The following ZNF423 variants were observed in gnomAD, a reference collection of about 807,000 sequenced individuals.
ZNF423 encodes the protein zinc finger protein 423.
In ZNF423, 12 loss-of-function variants were observed where a neutral mutation model predicts 95.8. The ratio of observed to expected loss-of-function variants is 0.13; its 90% CI spans 0.08 to 0.20. ZNF423 has a LOEUF of 0.20. ZNF423 is among the 10% of genes least tolerant of loss of function. ZNF423 has a pLI of 1.00. For synonymous variants in ZNF423, 749 were observed against 711.9 expected, an observed-to-expected ratio of 1.05 and a Z score of -0.83; for missense variants, 1,316 against 1,737.1, an observed-to-expected ratio of 0.76 and a Z score of 4.31.
chr16:49,578,457 A>G (rs994529947), intron 5 of ZNF423, among the ~76,000 whole-genome samples: 9 of 116,420 alleles, frequency 7.7e-5, no homozygotes, highest in African/African-American at 2.3e-4. Flanking sequence ...GGAAAAACAG[A>G]CACTCATCCC....
intron 2 of ZNF423, among the ~76,000 whole-genome samples, chr16:49,777,808 T>C (rs1444581232): frequency 6.6e-6 from 1 of 152,184 alleles, no homozygotes; most frequent in African/African-American, 2.4e-5. Flanking sequence ...AAGGCTTAAA[T>C]GAGATAATGC....
chr16:49,734,263 T>A (rs2033234550), intron 2 of ZNF423, among the ~76,000 whole-genome samples: 1 of 152,224 alleles, frequency 6.6e-6, no homozygotes, highest in African/African-American at 2.4e-5. Flanking sequence ...TGCTGCTCTG[T>A]CCAGCCCCAG....
At position 49,723,713 on chromosome 16, in the gene ZNF423, C is replaced by T. The variant is rs185487597; in HGVS notation, c.301+7058G>A. 2.0e-5 allele frequency among the ~76,000 whole-genome samples: 3 copies of T among 152,204 alleles called. No individual in the cohort carries two copies. In the East Asian group the frequency reaches 5.8e-4, roughly 29 times the overall value. ...AAAGTTTTCTTTTTATGTTTAGATT[C>T]CTGATCCACTTGGGATTGAGTTTGG... is the stretch of plus-strand genomic sequence containing the variant. On this transcript the variant is annotated intron_variant, in intron 3 of 7. Coordinates refer to ENST00000563137, the MANE Select transcript of ZNF423 (RefSeq NM_001379286.1).
chr16:49,687,655 A>AG (rs1567290800), intron 3 of ZNF423, among the ~76,000 whole-genome samples: 2 of 152,142 alleles, frequency 1.3e-5, no homozygotes. Flanking sequence ...ATGAGGAACC[A>AG]GGGGGGCCTT....
chr16:49,697,962 C>A (rs2032035651), intron 3 of ZNF423, among the ~76,000 whole-genome samples: 1 of 152,206 alleles, frequency 6.6e-6, no homozygotes, highest in Admixed American at 6.5e-5. Context: ...GCATGAACCA[C>A]TGCCCCATTA....
At chr16:49,547,538 G>A (rs1298591936) in intron 5 of ZNF423, among the ~76,000 whole-genome samples, 2 of 152,210 alleles carry the variant, frequency 1.3e-5, no homozygotes, top group African/African-American at 4.8e-5. Flanking sequence ...TCAAGGCCCA[G>A]GAATGGTGGG....
At chr16:49,697,864 C>T (rs2032031329) in intron 3 of ZNF423, among the ~76,000 whole-genome samples, 1 of 152,386 alleles carries the variant, frequency 6.6e-6, no homozygotes, top group African/African-American at 2.4e-5. Flanking sequence ...CCTTAACCAG[C>T]CCATTGTTGG....
chr16:49,749,144 C>G (rs966630087), intron 2 of ZNF423, among the ~76,000 whole-genome samples: 2 of 152,162 alleles, frequency 1.3e-5, no homozygotes, highest in African/African-American at 4.8e-5. Flanking sequence ...CTAGCAGCAC[C>G]AAGTCTCACC....
intron 5 of ZNF423, among the ~76,000 whole-genome samples, chr16:49,593,834 C>T (rs996579107): frequency 6.6e-6 from 1 of 152,066 alleles, no homozygotes; most frequent in African/African-American, 2.4e-5. Flanking sequence ...GAGAGGGGGC[C>T]GCGGAGGCAA....
intron 1 of ZNF423, among the ~76,000 whole-genome samples, chr16:49,811,938 G>T (rs1388546856): frequency 6.6e-6 from 1 of 152,350 alleles, no homozygotes; most frequent in East Asian, 1.9e-4. Flanking sequence ...ATCTGGGATG[G>T]ATGCCACAGG....
At chr16:49,795,867 A>G (rs544058107) in intron 1 of ZNF423, among the ~76,000 whole-genome samples, 1 of 152,314 alleles carries the variant, frequency 6.6e-6, no homozygotes, top group East Asian at 1.9e-4. Context: ...GTTTGCGGCC[A>G]TCTCTGAAGT....
intron 3 of ZNF423, among the ~76,000 whole-genome samples, chr16:49,683,660 G>A (rs1990629): frequency 0.85 from 129,460 of 152,268 alleles, 55,204 homozygotes; most frequent in South Asian, 0.88. Flanking sequence ...CCCCCTGGGT[G>A]ATTCCAATAT....
intron 3 of ZNF423, among the ~76,000 whole-genome samples, chr16:49,697,040 G>A (rs914793973): frequency 4.6e-5 from 7 of 152,344 alleles, no homozygotes; most frequent in Admixed American, 2.0e-4. Flanking sequence ...GCAGTCCATC[G>A]TGGGGGAGGA....
chr16:49,635,685 C>T lies in ZNF423; in HGVS notation c.3491G>A (p.Gly1164Asp), dbSNP rs534145846. 1 of 1,586,998 alleles carries T rather than the reference C, an allele frequency of 6.3e-7. No homozygotes were observed. The highest frequency in any genetic ancestry group is 8.6e-7 in the Non-Finnish European group (1 of 1,168,746). ...LTPETSGPRK[G>D]TQTSPVPRKK... Reference sequence around the variant, plus strand: ...CCGGGGCACTGGCGATGTCTGGGTGCCTTTCCGGGGCCCACTGGTCTCCGG... The same window carrying T: ...CCGGGGCACTGGCGATGTCTGGGTGTCTTTCCGGGGCCCACTGGTCTCCGG... The change falls in exon 4 of 8, where the codon GGC (glycine) becomes GAC (aspartate). Residue 1164 changes from glycine (G) to aspartate (D), a missense_variant. Gly to Asp is a moderately conservative substitution (Grantham distance 94, BLOSUM62 -1). Around this residue, in one of 6 missense-constraint regions of ZNF423, gnomAD observed 620 missense variants for 775.6 expected, o/e 0.80. Transcript: ENST00000563137. The surrounding 1 kb of genome is among the most constrained non-coding windows in gnomAD (Gnocchi z 4.8).
rs943656588 is a variant in ZNF423, at chr16:49,538,332, T to C, written c.3602-12838A>G. 1.8e-4 allele frequency among the ~76,000 whole-genome samples: 28 copies of C among 152,174 alleles called. 1 individual carries two copies. The highest frequency in any genetic ancestry group is 1.3e-4 in the Non-Finnish European group (9 of 68,024). ...GCAGGAAAACGCCCCACCGTACAGC[T>C]CTGGCTGGCATCTTGCCTTTTTCCT... On this transcript the variant is annotated intron_variant, in intron 5 of 7. Coordinates refer to ENST00000563137, the MANE Select transcript of ZNF423 (RefSeq NM_001379286.1).
intron 1 of ZNF423, among the ~76,000 whole-genome samples, chr16:49,802,263 T>C (rs1034960022): frequency 2.6e-5 from 4 of 152,178 alleles, no homozygotes; most frequent in African/African-American, 9.7e-5. Context: ...TCTCTCACTC[T>C]GCCCCGCTCC....
At chr16:49,653,330 A>T (rs1278281233) in intron 3 of ZNF423, among the ~76,000 whole-genome samples, 1 of 151,740 alleles carries the variant, frequency 6.6e-6, no homozygotes, top group Non-Finnish European at 1.5e-5. Flanking sequence ...AAAAAAAAAA[A>T]AGAATTCAAC....
At chr16:49,800,236 T>G (rs1250357059) in intron 1 of ZNF423, among the ~76,000 whole-genome samples, 1 of 150,044 alleles carries the variant, frequency 6.7e-6, no homozygotes, top group African/African-American at 2.5e-5. Flanking sequence ...AGAATGAGGC[T>G]CTGTCTCAAA....
At chr16:49,620,958 T>A (rs902778792) in intron 5 of ZNF423, among the ~76,000 whole-genome samples, 2 of 152,172 alleles carry the variant, frequency 1.3e-5, no homozygotes, top group Non-Finnish European at 2.9e-5. Flanking sequence ...CCACTGCTCC[T>A]CCCTTCCCAG....
Sources: gnomAD v4.1 joint callset for allele counts (sites outside exome capture counted in the v4.1 genomes callset) on GRCh38, gnomAD v4.1.1 for gene constraint, gnomAD v4.1.1 regional missense constraint, Gnocchi (gnomAD v3.1) non-coding constraint, MANE v1.5 for transcripts, NCBI Gene and HGNC (gene_info 2026-07-23, HGNC 2026-07-21) for gene names.